BCAS3: variants seen among roughly 807,000 people sequenced by gnomAD.
The protein encoded by BCAS3 is BCAS3 microtubule associated cell migration factor.
Under a neutral mutation model 116.1 loss-of-function variants are expected in BCAS3, and 53 were observed. The observed-to-expected ratio is 0.46, with a 90% CI of 0.37 to 0.57. The LOEUF is 0.57. Ranked by LOEUF, BCAS3 falls within the 20% of genes least tolerant of loss-of-function variation. The pLI is 0.00. For missense variants in BCAS3, 917 were observed against 1,165.4 expected (o/e 0.79, Z 3.10); for synonymous variants, 391 against 408.2 (o/e 0.96, Z 0.51).
At chr17:60,790,088 G>T (rs1367600943) in intron 6 of BCAS3, among the ~76,000 whole-genome samples, 1 of 151,876 alleles carries the variant, frequency 6.6e-6, no homozygotes, top group Non-Finnish European at 1.5e-5. Flanking sequence ...TCTCAGTATA[G>T]GGCTTTTATT....
chr17:60,851,327 C>T (rs552958652), intron 7 of BCAS3: 48 of 340,562 alleles, frequency 1.4e-4, no homozygotes, highest in Non-Finnish European at 2.6e-4. Context: ...TTCGCAAAGG[C>T]TCTCGGCATG....
At position 61,242,758 on chromosome 17, in the gene BCAS3, T is replaced by C. The variant is rs71373872; in HGVS notation, c.2426-125569T>C. Among the ~76,000 whole-genome samples, 111 of 152,202 alleles carry C rather than the reference T, an allele frequency of 7.3e-4. 1 individual carries two copies. The highest frequency in any genetic ancestry group is 3.2e-3 in the Admixed American group (49 of 15,278). On this transcript the variant is annotated intron_variant, in intron 22 of 23. Coordinates refer to ENST00000407086, the MANE Select transcript of BCAS3 (RefSeq NM_017679.5). The stretch of plus-strand genomic sequence containing the variant: ...CAATGTTGAATTGAAGTAATAGTGA[T>C]CACAGCTTATCACAGTTCTCTAAAG...
At chr17:61,384,107 A>G (rs1023644976) in intron 23 of BCAS3, among the ~76,000 whole-genome samples, 4 of 152,148 alleles carry the variant, frequency 2.6e-5, no homozygotes, top group African/African-American at 9.7e-5. Context: ...CAGGCCCCCC[A>G]TTGGCATCCA....
intron 4 of BCAS3, among the ~76,000 whole-genome samples, chr17:60,694,880 C>G (rs940193893): frequency 6.6e-5 from 10 of 152,108 alleles, no homozygotes; most frequent in African/African-American, 1.9e-4. Context: ...ACCCATTGCA[C>G]AACAACTCCA....
At chr17:61,147,970 G>C (rs2077328852) in intron 22 of BCAS3, among the ~76,000 whole-genome samples, 1 of 132,940 alleles carries the variant, frequency 7.5e-6, no homozygotes, top group South Asian at 2.9e-4. Flanking sequence ...TGGGAAACAA[G>C]AGTGAAACTC....
intron 22 of BCAS3, among the ~76,000 whole-genome samples, chr17:61,289,021 C>T (rs1267380429): frequency 1.3e-5 from 2 of 152,248 alleles, no homozygotes; most frequent in Non-Finnish European, 2.9e-5. Flanking sequence ...CCCCTCTGCA[C>T]ATTTCCTCTT....
At chr17:60,877,837 G>A (rs1395044261) in intron 9 of BCAS3, among the ~76,000 whole-genome samples, 2 of 152,176 alleles carry the variant, frequency 1.3e-5, no homozygotes, top group African/African-American at 4.8e-5. Flanking sequence ...CATGGGTTGG[G>A]CATTCCTTAA....
chr17:60,837,551 G>A (rs1171794960), intron 7 of BCAS3, among the ~76,000 whole-genome samples: 2 of 152,010 alleles, frequency 1.3e-5, no homozygotes, highest in Non-Finnish European at 2.9e-5. Flanking sequence ...TACATGAAAT[G>A]GAAAACCTAA....
Position 61,004,838 on chromosome 17 carries a change from T to C in BCAS3, c.1487-10913T>C, listed in dbSNP as rs1188366109. The stretch of plus-strand genomic sequence containing the variant: ...GGTGGAATTAACATGGGCACTGTTG[T>C]TGTTGGCTTCAGAAGAAATAGAGCA... On this transcript the variant is annotated intron_variant, in intron 15 of 23. Coordinates refer to ENST00000407086, the MANE Select transcript of BCAS3 (RefSeq NM_017679.5). The surrounding 1 kb of genome is among the most constrained non-coding windows in gnomAD (Gnocchi z 4.8). Among the ~76,000 whole-genome samples, 1 of 152,158 alleles carries C rather than the reference T, an allele frequency of 6.6e-6. No individual in the cohort carries two copies. The highest frequency in any genetic ancestry group is 2.4e-5 in the African/African-American group (1 of 41,442).
At position 61,205,911 on chromosome 17, in the gene BCAS3, C is replaced by CT. The variant is rs2081095350; in HGVS notation, c.2425+121349dup. ...CACAACCAAAAAGACAGCCCTTTTG[C>CT]TTAGTTAGGAAGATAATTTATGTCC... On this transcript the variant is annotated intron_variant, in intron 22 of 23. Coordinates refer to ENST00000407086, the MANE Select transcript of BCAS3 (RefSeq NM_017679.5). The surrounding 1 kb of genome is among the most constrained non-coding windows in gnomAD (Gnocchi z 5.2). Among the ~76,000 whole-genome samples the CT allele has an allele frequency of 6.6e-6, 1 of 152,142 alleles. No individual in the cohort carries two copies. Among genetic ancestry groups the CT allele is most frequent in the South Asian group, 2.1e-4 (1 of 4,824 alleles).
rs1383871305 is a variant in BCAS3, at chr17:61,326,066, C to T, written c.2426-42261C>T. Among the ~76,000 whole-genome samples the T allele has an allele frequency of 3.3e-5, 5 of 152,088 alleles. No homozygotes were observed. Among genetic ancestry groups the T allele is most frequent in the East Asian group, 1.9e-4 (1 of 5,194 alleles). ...TGTGTGCTATTAAATGCGCACTGCC[C>T]GGACACAGTGGAGCTTGTGAAGTTT... On this transcript the variant is annotated intron_variant, in intron 22 of 23. Transcript: ENST00000407086. The surrounding 1 kb of genome is among the most constrained non-coding windows in gnomAD (Gnocchi z 5.3).
At chr17:61,238,253 G>A (rs1445744552) in intron 22 of BCAS3, among the ~76,000 whole-genome samples, 5 of 139,730 alleles carry the variant, frequency 3.6e-5, no homozygotes, top group Non-Finnish European at 6.0e-5. Context: ...ATGGAGTTTC[G>A]CTCTTGTTGC....
At chr17:60,758,781 T>G (rs1859843521) in intron 6 of BCAS3, among the ~76,000 whole-genome samples, 2 of 152,222 alleles carry the variant, frequency 1.3e-5, no homozygotes, top group African/African-American at 2.4e-5. Context: ...TTAGCACTGC[T>G]TTAGCTGTAT....
chr17:61,183,140 AT>A (rs911683557), intron 22 of BCAS3, among the ~76,000 whole-genome samples: 33 of 152,134 alleles, frequency 2.2e-4, no homozygotes, highest in African/African-American at 4.8e-4. Flanking sequence ...CATTAAACAA[AT>A]TTTTTTGTTT....
At chr17:60,896,112 G>C (rs1476194796) in intron 10 of BCAS3, among the ~76,000 whole-genome samples, 1 of 152,130 alleles carries the variant, frequency 6.6e-6, no homozygotes, top group Non-Finnish European at 1.5e-5. Context: ...AATGACTTGA[G>C]GTCAGGAGTT....
In BCAS3 at chr17:61,055,747, G is replaced by C. The variant is rs200191285; in HGVS notation, c.2029+14855G>C. ...CTTACATGGTTTATAAATGGGCCAAGGGGATCCTAATGTCTGGAAAATAAA... is the reference window on the plus strand; with the variant it reads ...CTTACATGGTTTATAAATGGGCCAACGGGATCCTAATGTCTGGAAAATAAA... On this transcript the variant is annotated intron_variant, in intron 19 of 23. Coordinates refer to ENST00000407086, the MANE Select transcript of BCAS3 (RefSeq NM_017679.5). Among the ~76,000 whole-genome samples, 55 of 152,184 alleles carry C rather than the reference G, an allele frequency of 3.6e-4. No homozygotes were observed. In the East Asian group the frequency reaches 7.2e-3, roughly 20 times the overall value.
At position 61,078,541 on chromosome 17, in the gene BCAS3, G is replaced by A; in HGVS notation, c.2327+12G>A. 1 of 1,597,584 alleles carries A rather than the reference G, an allele frequency of 6.3e-7. No homozygotes were observed. Among genetic ancestry groups the A allele is most frequent in the Non-Finnish European group, 8.6e-7 (1 of 1,167,234 alleles). On this transcript the variant is annotated intron_variant, in intron 21 of 23. Coordinates refer to ENST00000407086, the MANE Select transcript of BCAS3 (RefSeq NM_017679.5). The stretch of plus-strand genomic sequence containing the variant: ...CTCAACAGTCTCAGGTAGGAAATGA[G>A]AATTAGGGAGTGATTTGAACAAAAG...
chr17:60,864,149 A>T (rs2054390844), intron 7 of BCAS3, among the ~76,000 whole-genome samples: 1 of 152,150 alleles, frequency 6.6e-6, no homozygotes, highest in African/African-American at 2.4e-5. Context: ...TTGGAAAGGG[A>T]TGGAGATTTT....
At chr17:60,690,176 C>T (rs183478199) in intron 4 of BCAS3, among the ~76,000 whole-genome samples, 12 of 152,236 alleles carry the variant, frequency 7.9e-5, no homozygotes, top group Admixed American at 2.6e-4. Context: ...TAAGTGGAAT[C>T]GTACAGTATT....
Sources: gnomAD v4.1 joint callset for allele counts (sites outside exome capture counted in the v4.1 genomes callset) on GRCh38, gnomAD v4.1.1 for gene constraint, Gnocchi (gnomAD v3.1) non-coding constraint, MANE v1.5 for transcripts, NCBI Gene and HGNC (gene_info 2026-07-23, HGNC 2026-07-21) for gene names.